Variants in SNX29 observed in about 807,000 individuals in gnomAD.
SNX29 encodes sorting nexin 29.
A neutral mutation model predicts 102.1 loss-of-function variants in SNX29; 78 were observed. That is an observed-to-expected ratio of 0.76 (90% CI 0.64 to 0.92). SNX29 has a LOEUF of 0.92. SNX29 is among the 40% of genes least tolerant of loss of function. The pLI, the probability that SNX29 is intolerant of heterozygous loss-of-function variation, is 0.00. For synonymous variants in SNX29, 580 were observed against 414.5 expected (o/e 1.40, Z -4.85); for missense variants, 1,280 against 1,061.7 (o/e 1.21, Z -2.86).
intron 18 of SNX29, among the ~76,000 whole-genome samples, chr16:12,468,581 G>C (rs2087186197): frequency 6.6e-6 from 1 of 152,000 alleles, no homozygotes; most frequent in Non-Finnish European, 1.5e-5. Flanking sequence ...ATCTCCCTTT[G>C]AAAGCCTGTG....
At chr16:12,376,911 G>A (rs933920081) in intron 16 of SNX29, among the ~76,000 whole-genome samples, 2 of 151,990 alleles carry the variant, frequency 1.3e-5, no homozygotes, top group Non-Finnish European at 2.9e-5. Context: ...CATGTCTTGA[G>A]GGTTGGTTTG....
chr16:12,551,168 C>G (rs1026380580), intron 20 of SNX29, among the ~76,000 whole-genome samples: 2 of 152,114 alleles, frequency 1.3e-5, no homozygotes, highest in Non-Finnish European at 2.9e-5. Context: ...ACCCTCAGTA[C>G]CATCGTGCAG....
chr16:12,134,144 G>GT (rs2054573062), intron 13 of SNX29, among the ~76,000 whole-genome samples: 1 of 152,164 alleles, frequency 6.6e-6, no homozygotes, highest in South Asian at 2.1e-4. Flanking sequence ...TGAGACATAT[G>GT]TTAAAAAAGA....
At chr16:12,006,233 T>C (rs551747076) in intron 3 of SNX29, among the ~76,000 whole-genome samples, 1 of 150,682 alleles carries the variant, frequency 6.6e-6, no homozygotes, top group African/African-American at 2.4e-5. Flanking sequence ...ATAATAATAA[T>C]AGCCAGGCAT....
At chr16:12,540,786 T>G (rs1337510450) in intron 20 of SNX29, among the ~76,000 whole-genome samples, 1 of 152,132 alleles carries the variant, frequency 6.6e-6, no homozygotes, top group Non-Finnish European at 1.5e-5. Context: ...GTCAGGTGCT[T>G]GAGGACTGCT....
At chr16:12,459,344 G>A (rs2086678758) in intron 18 of SNX29, among the ~76,000 whole-genome samples, 1 of 151,872 alleles carries the variant, frequency 6.6e-6, no homozygotes. Context: ...TGATGGGCCT[G>A]GATGGGGTGG....
At chr16:12,161,729 T>G (rs550813426) in intron 13 of SNX29, among the ~76,000 whole-genome samples, 1 of 152,298 alleles carries the variant, frequency 6.6e-6, no homozygotes, top group African/African-American at 2.4e-5. Context: ...ATGCCAGAAC[T>G]GGTTACTTAA....
intron 19 of SNX29, among the ~76,000 whole-genome samples, chr16:12,510,127 A>G (rs1271312054): frequency 6.6e-6 from 1 of 152,180 alleles, no homozygotes; most frequent in Non-Finnish European, 1.5e-5. Context: ...CATTGGTGAC[A>G]TCTCCTTTGA....
At chr16:12,508,268 C>G (rs532005913) in intron 19 of SNX29, among the ~76,000 whole-genome samples, 7 of 152,280 alleles carry the variant, frequency 4.6e-5, no homozygotes, top group Admixed American at 3.9e-4. Flanking sequence ...CTCCGGAGGG[C>G]GAGCTGGGCC....
intron 11 of SNX29, chr16:12,089,632 C>T (rs576144556): frequency 1.2e-4 from 23 of 186,276 alleles, no homozygotes; most frequent in South Asian, 2.7e-4. Flanking sequence ...CGGGTGGTAC[C>T]GCTGGCATTG....
intron 6 of SNX29, 111 bp from the exon 7 acceptor site, chr16:12,048,261 A>T: frequency 6.7e-7 from 1 of 1,500,242 alleles, no homozygotes; most frequent in Non-Finnish European, 9.3e-7. Flanking sequence ...ATACCTATTT[A>T]AGATCAACGT....
At chr16:12,288,769 T>G (rs560450075) in intron 15 of SNX29, among the ~76,000 whole-genome samples, 1 of 152,204 alleles carries the variant, frequency 6.6e-6, no homozygotes, top group South Asian at 2.1e-4. Flanking sequence ...GTTAATTGCA[T>G]TACATGGACT....
At chr16:12,126,979 C>T (rs1461005851) in intron 12 of SNX29, among the ~76,000 whole-genome samples, 2 of 152,128 alleles carry the variant, frequency 1.3e-5, no homozygotes, top group Non-Finnish European at 2.9e-5. Context: ...AAAAAACAGC[C>T]TTTATTGATA....
chr16:12,098,376 C>CT lies in SNX29; in HGVS notation c.1402+19462dup, dbSNP rs1176282225. 6.6e-6 allele frequency among the ~76,000 whole-genome samples: 1 copy of CT among 152,208 alleles called. No homozygotes were observed. The highest frequency in any genetic ancestry group is 1.5e-5 in the Non-Finnish European group (1 of 68,040). ...GCCACCTTGCTCCCCGTCCAGGACT[C>CT]TAACCATTGGAGTTCACCTTCTGGA... On this transcript the variant is annotated intron_variant, in intron 11 of 20. Coordinates refer to ENST00000566228, the MANE Select transcript of SNX29 (RefSeq NM_032167.5). This position sits in a 1 kb window ranked among gnomAD's most constrained non-coding sequence, Gnocchi z 6.0.
At chr16:12,480,936 C>T (rs1045540386) in intron 19 of SNX29, among the ~76,000 whole-genome samples, 4 of 152,028 alleles carry the variant, frequency 2.6e-5, no homozygotes, top group Admixed American at 6.6e-5. Context: ...AGTGCAGTGA[C>T]GCTGTGTCAA....
At chr16:12,484,868 T>G (rs2088149331) in intron 19 of SNX29, among the ~76,000 whole-genome samples, 2 of 152,242 alleles carry the variant, frequency 1.3e-5, no homozygotes, top group South Asian at 4.1e-4. Flanking sequence ...ATTTGTGCAC[T>G]TCAATATGAT....
intron 1 of SNX29, among the ~76,000 whole-genome samples, chr16:11,996,053 C>A (rs2056059738): frequency 6.7e-6 from 1 of 149,902 alleles, no homozygotes; most frequent in African/African-American, 2.5e-5. Context: ...CAGCAACACT[C>A]CGTCTCAGAA....
In SNX29 at chr16:12,402,582, G is replaced by A. The variant is rs936743975; in HGVS notation, c.1956-866G>A. On this transcript the variant is annotated intron_variant, in intron 17 of 20. Coordinates refer to ENST00000566228, the MANE Select transcript of SNX29 (RefSeq NM_032167.5). Reference sequence around the variant, plus strand: ...GCTCTGTGTAATTTGGATCCAGCCGGGTACAAATGTGACAGTGACTTACGA... The same window carrying A: ...GCTCTGTGTAATTTGGATCCAGCCGAGTACAAATGTGACAGTGACTTACGA... Among the ~76,000 whole-genome samples, 11 of 152,124 alleles carry A rather than the reference G, an allele frequency of 7.2e-5. No individual in the cohort carries two copies. The South Asian group carries it at 1.0e-3, about 14-fold the overall frequency.
At chr16:12,552,893 A>G (rs1171233077) in intron 20 of SNX29, among the ~76,000 whole-genome samples, 1 of 152,248 alleles carries the variant, frequency 6.6e-6, no homozygotes, top group East Asian at 1.9e-4. Context: ...ACATGGAGGC[A>G]GGAGATAGGC....
Sources: gnomAD v4.1 joint callset for allele counts (sites outside exome capture counted in the v4.1 genomes callset) on GRCh38, gnomAD v4.1.1 for gene constraint, Gnocchi (gnomAD v3.1) non-coding constraint, MANE v1.5 for transcripts, NCBI Gene and HGNC (gene_info 2026-07-23, HGNC 2026-07-21) for gene names.